The following MFF variants were observed in gnomAD, a reference collection of about 807,000 sequenced individuals.
MFF encodes mitochondrial fission factor.
MFF carries 12 observed loss-of-function variants against 36.9 expected under a neutral mutation model. That is an observed-to-expected ratio of 0.33 (90% CI 0.21 to 0.53). The LOEUF (loss-of-function observed/expected upper bound fraction) is 0.53. MFF is among the 20% of genes least tolerant of loss of function. The pLI is 0.95. For missense variants in MFF, 348 were observed against 366.6 expected, an observed-to-expected ratio of 0.95 and a Z score of 0.42; for synonymous variants, 99 against 126.2, an observed-to-expected ratio of 0.78 and a Z score of 1.44.
chr2:227,330,483 T>A, intron 2 of MFF, 143 bp from the exon 3 acceptor site: 1 of 597,128 alleles, frequency 1.7e-6, no homozygotes. Flanking sequence ...TTTCATCTTT[T>A]ATTTTTGCTT....
chr2:227,344,630 G>T (rs10175946), intron 5 of MFF, among the ~76,000 whole-genome samples: 110,924 of 152,056 alleles, frequency 0.73, 41,361 homozygotes, highest in South Asian at 0.84. Context: ...AGTTTTGGCA[G>T]TCTTAATGGT....
chr2:227,350,914 CA>C (rs2075963643), intron 6 of MFF, among the ~76,000 whole-genome samples: 1 of 152,072 alleles, frequency 6.6e-6, no homozygotes, highest in East Asian at 1.9e-4. Context: ...TTTACTTTTA[CA>C]ATATATGTGT....
chr2:227,356,946 C>G, intron 8 of MFF, 40 bp from the exon 9 acceptor site: 7 of 1,500,786 alleles, frequency 4.7e-6, no homozygotes, highest in African/African-American at 1.4e-5. Flanking sequence ...TTCATTAAAG[C>G]CTCTATATTA....
At chr2:227,337,129 AT>A (rs945616537) in intron 4 of MFF, among the ~76,000 whole-genome samples, 6 of 152,356 alleles carry the variant, frequency 3.9e-5, no homozygotes, top group South Asian at 2.1e-4. Context: ...ATGTTTACAC[AT>A]TCATGCATGG....
At chr2:227,342,801 T>C (rs764512060) in intron 5 of MFF, 1 of 1,613,662 alleles carries the variant, frequency 6.2e-7, no homozygotes, top group Non-Finnish European at 8.5e-7. Context: ...CAGGCACCGA[T>C]TTCTGCACCG....
intron 6 of MFF, 91 bp from the exon 7 acceptor site, chr2:227,352,423 G>A: frequency 1.1e-6 from 1 of 893,650 alleles, no homozygotes. Context: ...AATCCTATTT[G>A]ACATTTATTT....
At position 227,332,513 on chromosome 2, in the gene MFF, T is replaced by G. The variant is rs749612004; in HGVS notation, c.276T>G (p.Arg92=). The change falls in exon 4 of 9, where the codon CGT becomes CGG. Residue 92 remains arginine (R), a synonymous_variant. Transcript: ENST00000304593. ...CCCTGGCACTGAAAACACCACCTCGTGTACTTACGCTGAGTGAAAGACCAC... is the reference window on the plus strand; with the variant it reads ...CCCTGGCACTGAAAACACCACCTCGGGTACTTACGCTGAGTGAAAGACCAC... ...FKPLALKTPP[R]VLTLSERPLD... 4 of 1,613,664 alleles carry G rather than the reference T, an allele frequency of 2.5e-6. No homozygotes were observed. The highest frequency in any genetic ancestry group is 1.1e-5 in the South Asian group (1 of 91,056).
chr2:227,346,829 G>A (rs2075738371), intron 5 of MFF: 1 of 156,286 alleles, frequency 6.4e-6, no homozygotes, highest in Admixed American at 6.3e-5. Flanking sequence ...AGAATTCCCT[G>A]TCCTACTCTT....
chr2:227,348,767 G>C (rs1463935822), intron 6 of MFF, among the ~76,000 whole-genome samples: 1 of 152,174 alleles, frequency 6.6e-6, no homozygotes, highest in Non-Finnish European at 1.5e-5. Context: ...GAGAAATAGA[G>C]AGGAAGGGTA....
At chr2:227,326,198 C>T (rs1388129530) in intron 1 of MFF, among the ~76,000 whole-genome samples, 1 of 149,396 alleles carries the variant, frequency 6.7e-6, no homozygotes. Context: ...TCAAAAGTGA[C>T]ATGTTTTCAT....
At chr2:227,330,447 G>A (rs2074486294) in intron 2 of MFF, 179 bp from the exon 3 acceptor site, 1 of 576,272 alleles carries the variant, frequency 1.7e-6, no homozygotes, top group Non-Finnish European at 3.1e-6. Context: ...TAATTAAGAA[G>A]GCATTTTGTT....
intron 4 of MFF, among the ~76,000 whole-genome samples, chr2:227,336,670 G>A (rs2075031168): frequency 6.6e-6 from 1 of 152,178 alleles, no homozygotes; most frequent in South Asian, 2.1e-4. Flanking sequence ...AGAGCTGGAG[G>A]AGTAGAAGAA....
intron 5 of MFF, among the ~76,000 whole-genome samples, chr2:227,344,980 G>C (rs925707631): frequency 1.3e-5 from 2 of 152,056 alleles, no homozygotes; most frequent in African/African-American, 4.8e-5. Flanking sequence ...GATCATGTAA[G>C]GTTTTTTCTC....
intron 4 of MFF, among the ~76,000 whole-genome samples, chr2:227,336,386 G>A (rs976190403): frequency 3.3e-5 from 5 of 152,202 alleles, no homozygotes; most frequent in African/African-American, 7.2e-5. Context: ...GGAGAAATAC[G>A]AGAATACTAT....
At position 227,347,305 on chromosome 2, in the gene MFF, C is replaced by G. The variant is rs762289133; in HGVS notation, c.520C>G (p.Arg174Gly). The change falls in exon 6 of 9, where the codon CGT becomes GGT. Residue 174 changes from arginine (R) to glycine (G), a missense_variant. Coordinates refer to ENST00000304593, the MANE Select transcript of MFF (RefSeq NM_001277062.2). ...PEDGANLSSA[R>G]GILSLIQSST... is the part of the protein sequence containing the mutation. ...AGATGGAGCTAATCTTTCCTCTGCT[C>G]GTGGCATTTTGTCGCTTATCCAGTC... 7.4e-6 allele frequency: 12 copies of G among 1,613,400 alleles called. No homozygotes were observed. The highest frequency in any genetic ancestry group is 9.3e-6 in the Non-Finnish European group (11 of 1,179,556).
At chr2:227,341,575 C>T (rs999119928) in intron 5 of MFF, among the ~76,000 whole-genome samples, 1 of 151,944 alleles carries the variant, frequency 6.6e-6, no homozygotes, top group African/African-American at 2.4e-5. Flanking sequence ...TGTGTTTTCC[C>T]TAAAGGTATC....
intron 4 of MFF, among the ~76,000 whole-genome samples, chr2:227,339,125 C>A (rs2075238165): frequency 1.3e-5 from 2 of 151,080 alleles, no homozygotes; most frequent in South Asian, 4.2e-4. Flanking sequence ...TCACTTGAGC[C>A]CAGGAGGCTG....
At chr2:227,339,914 T>G (rs1189740176) in intron 4 of MFF, among the ~76,000 whole-genome samples, 1 of 152,214 alleles carries the variant, frequency 6.6e-6, no homozygotes, top group Non-Finnish European at 1.5e-5. Context: ...ATACAGATGC[T>G]CTCCATTTCC....
intron 4 of MFF, among the ~76,000 whole-genome samples, chr2:227,336,870 A>G (rs2075045403): frequency 6.6e-6 from 1 of 152,216 alleles, no homozygotes; most frequent in Non-Finnish European, 1.5e-5. Context: ...TGTGAAGCAA[A>G]AAACCATAGC....
Sources: gnomAD v4.1 joint callset for allele counts (sites outside exome capture counted in the v4.1 genomes callset) on GRCh38, gnomAD v4.1.1 for gene constraint, MANE v1.5 for transcripts, NCBI Gene and HGNC (gene_info 2026-07-23, HGNC 2026-07-21) for gene names.